Variants in SDK1 observed in about 807,000 individuals in gnomAD.
SDK1 encodes sidekick cell adhesion molecule 1.
SDK1 carries 157 observed loss-of-function variants against 245.5 expected under a neutral mutation model. That is an observed-to-expected ratio of 0.64 (90% confidence interval 0.56 to 0.73). The LOEUF (loss-of-function observed/expected upper bound fraction) is 0.73, where lower values mean the gene tolerates loss of function less well. SDK1 is among the 30% of genes least tolerant of loss of function. The pLI is 0.00. For synonymous variants in SDK1, 1,647 were observed against 1,278.5 expected (o/e 1.29, Z -6.15); for missense variants, 3,583 against 3,002.3 (o/e 1.19, Z -4.52).
chr7:3,558,093 T>C lies in SDK1; in HGVS notation c.299-60987T>C, dbSNP rs556286985. On this transcript the variant is annotated intron_variant, in intron 1 of 44. Transcript: ENST00000404826. ...CAAAGACTTTAGATGCCACGTGGCA[T>C]GCGTAAAGCCAGCATATTCTATTGA... Among the ~76,000 whole-genome samples, 3 of 148,394 alleles carry C rather than the reference T, an allele frequency of 2.0e-5. No individual in the cohort carries two copies. In the South Asian group the frequency reaches 6.6e-4, roughly 32 times the overall value.
chr7:4,073,772 G>A (rs1247912273), intron 20 of SDK1, among the ~76,000 whole-genome samples: 1 of 152,174 alleles, frequency 6.6e-6, no homozygotes. Flanking sequence ...TGCACCATGA[G>A]AAACAAACTC....
chr7:4,202,205 T>G (rs943854404), intron 35 of SDK1, among the ~76,000 whole-genome samples: 2 of 152,178 alleles, frequency 1.3e-5, no homozygotes, highest in Non-Finnish European at 2.9e-5. Context: ...ATGAAACTTG[T>G]CTTTCACATC....
intron 5 of SDK1, among the ~76,000 whole-genome samples, chr7:3,860,904 C>T (rs1780673565): frequency 6.6e-6 from 1 of 152,170 alleles, no homozygotes; most frequent in Non-Finnish European, 1.5e-5. Context: ...CTGTCCCCCA[C>T]TTTTTGCCTT....
intron 4 of SDK1, among the ~76,000 whole-genome samples, chr7:3,704,717 A>G (rs768777236): frequency 3.3e-5 from 5 of 151,890 alleles, no homozygotes; most frequent in Non-Finnish European, 5.9e-5. Context: ...ATTTATTTTC[A>G]TTTTTGTTGC....
chr7:3,442,429 C>G (rs1029450178), intron 1 of SDK1, among the ~76,000 whole-genome samples: 2 of 152,102 alleles, frequency 1.3e-5, no homozygotes, highest in Admixed American at 1.3e-4. Context: ...GCAAATTAAC[C>G]CTTTCTGAAA....
intron 4 of SDK1, among the ~76,000 whole-genome samples, chr7:3,684,440 A>G (rs1479780580): frequency 6.6e-6 from 1 of 152,186 alleles, no homozygotes; most frequent in Non-Finnish European, 1.5e-5. Context: ...TTTTGCCATG[A>G]TAGTGTTGGA....
rs537604189 is a variant in SDK1, at chr7:3,989,075, C to T, written c.2131+1753C>T. Among the ~76,000 whole-genome samples the T allele has an allele frequency of 2.6e-4, 39 of 152,320 alleles. No individual in the cohort carries two copies. The South Asian group carries it at 7.7e-3, about 30-fold the overall frequency. ...TGGCGTCCAGTTTAACCTTTTAATA[C>T]GTAAGCTGCCGGCCTCCCTCTGTTA... On this transcript the variant is annotated intron_variant, in intron 14 of 44. Coordinates refer to ENST00000404826, the MANE Select transcript of SDK1 (RefSeq NM_152744.4).
At chr7:3,945,949 G>T (rs1008830822) in intron 5 of SDK1, among the ~76,000 whole-genome samples, 4 of 123,190 alleles carry the variant, frequency 3.2e-5, no homozygotes, top group African/African-American at 8.9e-5. Context: ...AGTTTGAGGT[G>T]CTCTTTCCAA....
chr7:3,730,428 G>C (rs964351291), intron 4 of SDK1, among the ~76,000 whole-genome samples: 1 of 152,160 alleles, frequency 6.6e-6, no homozygotes, highest in Non-Finnish European at 1.5e-5. Flanking sequence ...GGGACCATCT[G>C]TGTCTACTTT....
intron 1 of SDK1, among the ~76,000 whole-genome samples, chr7:3,384,863 A>G (rs1422112862): frequency 6.6e-6 from 1 of 152,226 alleles, no homozygotes; most frequent in Non-Finnish European, 1.5e-5. Flanking sequence ...CAGTACCCGT[A>G]GTATATAGCA....
intron 38 of SDK1, among the ~76,000 whole-genome samples, chr7:4,217,834 G>T (rs1436105373): frequency 6.6e-6 from 1 of 152,154 alleles, no homozygotes; most frequent in Non-Finnish European, 1.5e-5. Context: ...TGGGGAGAAG[G>T]CCAGGCTGGC....
intron 1 of SDK1, among the ~76,000 whole-genome samples, chr7:3,484,721 G>C (rs1238863882): frequency 6.6e-6 from 1 of 152,034 alleles, no homozygotes; most frequent in Non-Finnish European, 1.5e-5. Context: ...CCACAAGATC[G>C]GTTTTTTTTA....
intron 1 of SDK1, among the ~76,000 whole-genome samples, chr7:3,542,564 T>C (rs1196027507): frequency 5.3e-5 from 8 of 152,226 alleles, no homozygotes; most frequent in African/African-American, 1.9e-4. Context: ...AATAAGTGTT[T>C]ATGCAATATT....
chr7:3,531,344 G>C (rs1261732914), intron 1 of SDK1, among the ~76,000 whole-genome samples: 1 of 152,034 alleles, frequency 6.6e-6, no homozygotes, highest in Non-Finnish European at 1.5e-5. Flanking sequence ...TTTCGACTTA[G>C]GTTATTTAGT....
intron 4 of SDK1, among the ~76,000 whole-genome samples, chr7:3,728,751 A>G (rs945786295): frequency 3.9e-5 from 6 of 152,142 alleles, no homozygotes; most frequent in Non-Finnish European, 8.8e-5. Flanking sequence ...GATTACAGGC[A>G]TGTGCCACCA....
At chr7:3,343,632 ATTG>A (rs1780413601) in intron 1 of SDK1, among the ~76,000 whole-genome samples, 2 of 152,120 alleles carry the variant, frequency 1.3e-5, no homozygotes, top group Non-Finnish European at 2.9e-5. Flanking sequence ...TCAAAGTGTC[ATTG>A]TTGTGGGAAA....
At chr7:3,414,654 G>A (rs1019218900) in intron 1 of SDK1, among the ~76,000 whole-genome samples, 1 of 151,990 alleles carries the variant, frequency 6.6e-6, no homozygotes, top group Non-Finnish European at 1.5e-5. Flanking sequence ...TCACATAATC[G>A]TAAGGTTGTT....
At chr7:3,997,467 A>G (rs1376660082) in intron 14 of SDK1, among the ~76,000 whole-genome samples, 1 of 152,116 alleles carries the variant, frequency 6.6e-6, no homozygotes, top group African/African-American at 2.4e-5. Context: ...AGCTGTCAGC[A>G]GAGAGAAGGC....
chr7:3,435,060 A>G (rs1347198676), intron 1 of SDK1, among the ~76,000 whole-genome samples: 1 of 152,180 alleles, frequency 6.6e-6, no homozygotes, highest in Non-Finnish European at 1.5e-5. Flanking sequence ...GTACCAAATT[A>G]TGTAATTCTT....
Sources: allele counts gnomAD v4.1 joint callset (sites outside exome capture counted in the v4.1 genomes callset), GRCh38; gene constraint gnomAD v4.1.1; transcripts MANE v1.5; gene names NCBI Gene and HGNC (gene_info 2026-07-23, HGNC 2026-07-21).